Variants in MKLN1 observed in about 807,000 individuals in gnomAD.
MKLN1 encodes muskelin.
Under a neutral mutation model 99.0 loss-of-function variants are expected in MKLN1, and 18 were observed. The ratio of observed to expected loss-of-function variants is 0.18; its 90% CI spans 0.13 to 0.27. The LOEUF (loss-of-function observed/expected upper bound fraction) is 0.27. Ranked by LOEUF, MKLN1 falls within the 10% of genes least tolerant of loss-of-function variation. The pLI, the probability that MKLN1 is intolerant of heterozygous loss-of-function variation, is 1.00. For synonymous variants in MKLN1, 288 were observed against 293.2 expected (o/e 0.98, Z 0.18); for missense variants, 621 against 875.9 (o/e 0.71, Z 3.67).
At chr7:131,355,787 A>C (rs1339836737) in intron 1 of MKLN1, among the ~76,000 whole-genome samples, 1 of 151,404 alleles carries the variant, frequency 6.6e-6, no homozygotes, top group African/African-American at 2.4e-5. Flanking sequence ...CAGCCTCCCA[A>C]AGTGCTGGAA....
chr7:131,275,797 C>G (rs1797963252), intron 3 of MKLN1, among the ~76,000 whole-genome samples: 1 of 151,484 alleles, frequency 6.6e-6, no homozygotes, highest in Non-Finnish European at 1.5e-5. Flanking sequence ...TCCATAACCA[C>G]CTTGATTACT....
chr7:131,286,635 A>G (rs1041536411), intron 3 of MKLN1, among the ~76,000 whole-genome samples: 3 of 152,262 alleles, frequency 2.0e-5, no homozygotes, highest in African/African-American at 7.2e-5. Context: ...CAATTACAGA[A>G]TGTCCACTCT....
chr7:131,183,628 G>A (rs1316635330), intron 2 of MKLN1, among the ~76,000 whole-genome samples: 1 of 152,200 alleles, frequency 6.6e-6, no homozygotes, highest in Non-Finnish European at 1.5e-5. Flanking sequence ...TGGAAAATAA[G>A]ATGCTATAAA....
chr7:131,402,840 T>C (rs1794589098), intron 6 of MKLN1, among the ~76,000 whole-genome samples: 1 of 152,196 alleles, frequency 6.6e-6, no homozygotes, highest in Non-Finnish European at 1.5e-5. Context: ...AACCATTCTG[T>C]ACACAGATGT....
intron 12 of MKLN1, among the ~76,000 whole-genome samples, chr7:131,460,109 A>T (rs1281039393): frequency 6.6e-6 from 1 of 152,090 alleles, no homozygotes; most frequent in South Asian, 2.1e-4. Context: ...TTTTTATGGC[A>T]GCTTATTCTT....
At chr7:131,165,976 G>A (rs1301380890) in intron 2 of MKLN1, among the ~76,000 whole-genome samples, 1 of 152,268 alleles carries the variant, frequency 6.6e-6, no homozygotes, top group Non-Finnish European at 1.5e-5. Flanking sequence ...TTAGCTGAGA[G>A]TGGCAGTGTG....
rs141784785 is a variant in MKLN1 at position 131,135,374 on chromosome 7, C to T, written c.-418-7446C>T. Among the ~76,000 whole-genome samples the T allele has an allele frequency of 6.0e-3, 909 of 152,308 alleles. 10 individuals carry two copies. Among genetic ancestry groups the T allele is most frequent in the African/African-American group, 0.02 (849 of 41,568 alleles). Reference sequence around the variant, plus strand: ...CTGACCTCAGGTGATCTGCCCTCCTCCTCCCAAAGTGCTGGGATTACAGGC... The same window carrying T: ...CTGACCTCAGGTGATCTGCCCTCCTTCTCCCAAAGTGCTGGGATTACAGGC... On this transcript the variant is annotated intron_variant, in intron 1 of 7. Transcript: ENST00000416992.
At chr7:131,372,917 T>G (rs989326649) in intron 1 of MKLN1, among the ~76,000 whole-genome samples, 3 of 151,900 alleles carry the variant, frequency 2.0e-5, no homozygotes, top group African/African-American at 7.2e-5. Flanking sequence ...TTCCCTACCT[T>G]CTTTCTTTTC....
intron 1 of MKLN1, among the ~76,000 whole-genome samples, chr7:131,111,343 C>A (rs866208348): frequency 2.0e-5 from 3 of 152,174 alleles, no homozygotes; most frequent in Non-Finnish European, 4.4e-5. Context: ...GTTGTAGCAT[C>A]CTGGATTATT....
intron 3 of MKLN1, among the ~76,000 whole-genome samples, chr7:131,205,892 C>CT (rs35341245): frequency 0.14 from 19,852 of 137,446 alleles, 1,588 homozygotes; most frequent in South Asian, 0.22. Context: ...CTGAGAAAAA[C>CT]TTTTTTTTTT....
chr7:131,276,688 G>T (rs1364514172), intron 3 of MKLN1, among the ~76,000 whole-genome samples: 1 of 152,210 alleles, frequency 6.6e-6, no homozygotes. Context: ...TGGACAAGCA[G>T]CATGAATGGG....
At chr7:131,241,983 A>G (rs569680157) in intron 3 of MKLN1, among the ~76,000 whole-genome samples, 2 of 152,260 alleles carry the variant, frequency 1.3e-5, no homozygotes, top group South Asian at 4.1e-4. Flanking sequence ...TCAATCTGTT[A>G]ATCTGTTTTA....
chr7:131,131,718 C>T (rs6953516), intron 1 of MKLN1, among the ~76,000 whole-genome samples: 75,433 of 151,998 alleles, frequency 0.5, 19,920 homozygotes, highest in East Asian at 0.79. Context: ...TCCTGTTATG[C>T]TCAAATTTTT....
intron 8 of MKLN1, among the ~76,000 whole-genome samples, chr7:131,423,876 T>A (rs1032832345): frequency 1.3e-5 from 2 of 152,190 alleles, no homozygotes; most frequent in Non-Finnish European, 2.9e-5. Context: ...AGCCTTTTAG[T>A]AAGGAAAGTA....
At chr7:131,112,019 G>A (rs935576810) in intron 1 of MKLN1, among the ~76,000 whole-genome samples, 4 of 152,132 alleles carry the variant, frequency 2.6e-5, no homozygotes, top group South Asian at 2.1e-4. Context: ...ACCTTGTTTT[G>A]TTTTGTTTGT....
At chr7:131,273,005 A>G (rs1041186635) in intron 3 of MKLN1, among the ~76,000 whole-genome samples, 1 of 152,176 alleles carries the variant, frequency 6.6e-6, no homozygotes, top group African/African-American at 2.4e-5. Context: ...TGCTAATCCA[A>G]AGAGGAAAGA....
intron 2 of MKLN1, among the ~76,000 whole-genome samples, chr7:131,176,133 A>C (rs1379046352): frequency 6.6e-6 from 1 of 152,182 alleles, no homozygotes; most frequent in East Asian, 1.9e-4. Flanking sequence ...CAAAACATTG[A>C]ATATTTGTAA....
chr7:131,439,367 T>C (rs945759449), intron 10 of MKLN1, among the ~76,000 whole-genome samples: 2 of 152,178 alleles, frequency 1.3e-5, no homozygotes, highest in African/African-American at 4.8e-5. Flanking sequence ...TTTGTTTCTC[T>C]TGACTTTTAT....
At chr7:131,223,652 C>T (rs1797093652) in intron 3 of MKLN1, among the ~76,000 whole-genome samples, 1 of 152,172 alleles carries the variant, frequency 6.6e-6, no homozygotes. Flanking sequence ...ATCTTCTTCC[C>T]ACAGGGCTCT....
Sources: allele counts gnomAD v4.1 joint callset (sites outside exome capture counted in the v4.1 genomes callset), GRCh38; gene constraint gnomAD v4.1.1; transcripts MANE v1.5; gene names NCBI Gene and HGNC (gene_info 2026-07-23, HGNC 2026-07-21).